KCNIP4: variants seen among roughly 807,000 people sequenced by gnomAD.
KCNIP4 encodes potassium voltage-gated channel interacting protein 4, also known as Kv channel-interacting protein 4.
A neutral mutation model predicts 34.0 loss-of-function variants in KCNIP4; 12 were observed. The observed-to-expected ratio is 0.35, with a 90% CI of 0.23 to 0.57. KCNIP4 has a LOEUF of 0.57. Ranked by LOEUF, KCNIP4 falls within the 20% of genes least tolerant of loss-of-function variation. KCNIP4 has a pLI of 0.83. For missense variants in KCNIP4, 238 were observed against 311.7 expected (o/e 0.76, Z 1.78); for synonymous variants, 124 against 102.2 (o/e 1.21, Z -1.29).
intron 1 of KCNIP4, among the ~76,000 whole-genome samples, chr4:21,562,552 C>T (rs553182898): frequency 1.8e-4 from 28 of 152,102 alleles, no homozygotes; most frequent in Admixed American, 3.9e-4. Flanking sequence ...TTGGGAATTT[C>T]GTGGTAACTT....
rs566059965 is a variant in KCNIP4 at position 21,574,328 on chromosome 4, TTTTCAG to T, written c.61+374237_61+374242del. ...TCTCCAGGTGAAACTGGCGTTTTTC[TTTTCAG>T]TTTGTTTTTAATTTCCAGCTTTCTT... is the stretch of plus-strand genomic sequence containing the variant. On this transcript the variant is annotated intron_variant, in intron 1 of 8. Coordinates refer to ENST00000382152, the MANE Select transcript of KCNIP4 (RefSeq NM_025221.6). 1.9e-4 allele frequency among the ~76,000 whole-genome samples: 29 copies of T among 152,240 alleles called. 1 individual carries two copies. The South Asian group carries it at 6.0e-3, about 32-fold the overall frequency.
intron 3 of KCNIP4, among the ~76,000 whole-genome samples, chr4:20,825,084 T>C (rs769946880): frequency 6.6e-6 from 1 of 152,164 alleles, no homozygotes; most frequent in Non-Finnish European, 1.5e-5. Flanking sequence ...TCTCATCGTA[T>C]TTCCCAAAGG....
chr4:21,392,218 G>T (rs1284756630), intron 1 of KCNIP4, among the ~76,000 whole-genome samples: 1 of 152,166 alleles, frequency 6.6e-6, no homozygotes, highest in Non-Finnish European at 1.5e-5. Flanking sequence ...ACAAAACAAT[G>T]CAACCCAAAT....
chr4:21,482,717 C>T (rs545899912), intron 1 of KCNIP4, among the ~76,000 whole-genome samples: 158 of 152,124 alleles, frequency 1.0e-3, no homozygotes, highest in Non-Finnish European at 1.7e-3. Context: ...GTGGGTAACC[C>T]GACCTTTCTC....
intron 1 of KCNIP4, among the ~76,000 whole-genome samples, chr4:21,781,700 A>C (rs530605083): frequency 6.6e-6 from 1 of 152,138 alleles, no homozygotes; most frequent in African/African-American, 2.4e-5. Context: ...CCTCCTCTTG[A>C]ATTTTTAATT....
At chr4:21,654,908 A>G (rs1747801749) in intron 1 of KCNIP4, among the ~76,000 whole-genome samples, 1 of 151,948 alleles carries the variant, frequency 6.6e-6, no homozygotes. Flanking sequence ...TGGGTGACAG[A>G]GCGAGACTCT....
chr4:21,582,973 A>C (rs908780287), intron 1 of KCNIP4, among the ~76,000 whole-genome samples: 3 of 151,938 alleles, frequency 2.0e-5, no homozygotes, highest in East Asian at 1.9e-4. Flanking sequence ...CCTTTCTCAC[A>C]CTAGCAATGC....
intron 1 of KCNIP4, among the ~76,000 whole-genome samples, chr4:21,889,308 C>T (rs1726956415): frequency 6.6e-6 from 1 of 151,930 alleles, no homozygotes; most frequent in Admixed American, 6.6e-5. Context: ...AAATAAATCT[C>T]ATGTTTAGAT....
At chr4:21,106,161 A>G (rs956633848) in intron 1 of KCNIP4, among the ~76,000 whole-genome samples, 3 of 151,602 alleles carry the variant, frequency 2.0e-5, no homozygotes, top group Non-Finnish European at 4.4e-5. Context: ...GAATAGTTTC[A>G]GAAGGAATGG....
chr4:20,793,183 G>A (rs1713000909), intron 3 of KCNIP4, among the ~76,000 whole-genome samples: 1 of 152,054 alleles, frequency 6.6e-6, no homozygotes. Flanking sequence ...TCCATTTACA[G>A]GTGAATGGAT....
At chr4:21,686,355 T>C (rs1176309083) in intron 1 of KCNIP4, among the ~76,000 whole-genome samples, 3 of 152,154 alleles carry the variant, frequency 2.0e-5, no homozygotes, top group Non-Finnish European at 4.4e-5. Context: ...TCTAAAATGA[T>C]AGTACAGCCA....
chr4:21,058,392 G>C (rs1041503306), intron 1 of KCNIP4, among the ~76,000 whole-genome samples: 1 of 152,020 alleles, frequency 6.6e-6, no homozygotes, highest in Admixed American at 6.6e-5. Flanking sequence ...AGGAATTAAA[G>C]GGGCAGCTCT....
intron 1 of KCNIP4, among the ~76,000 whole-genome samples, chr4:21,647,404 G>A (rs1019609157): frequency 5.3e-5 from 8 of 151,914 alleles, no homozygotes; most frequent in Non-Finnish European, 7.4e-5. Context: ...ATTAATATGA[G>A]ATCAATAAAA....
In KCNIP4 at chr4:21,281,024, C is replaced by T. The variant is rs114035169; in HGVS notation, c.62-398315G>A. Among the ~76,000 whole-genome samples, 819 of 151,912 alleles carry T rather than the reference C, an allele frequency of 5.4e-3. 7 individuals carry two copies. The highest frequency in any genetic ancestry group is 0.019 in the African/African-American group (780 of 41,430). Reference sequence around the variant, plus strand: ...ATCACGTCCTCAATTCTATAAGATACGCTTTATCCTCTCTATAATAGTTTA... The same window carrying T: ...ATCACGTCCTCAATTCTATAAGATATGCTTTATCCTCTCTATAATAGTTTA... On this transcript the variant is annotated intron_variant, in intron 1 of 8. Transcript: ENST00000382152.
intron 1 of KCNIP4, among the ~76,000 whole-genome samples, chr4:20,994,553 T>C (rs1737371015): frequency 6.6e-6 from 1 of 152,172 alleles, no homozygotes; most frequent in Non-Finnish European, 1.5e-5. Context: ...TATAAACTAA[T>C]GATCAGACCG....
chr4:20,730,822 G>A (rs957615537), intron 8 of KCNIP4, among the ~76,000 whole-genome samples: 1 of 152,122 alleles, frequency 6.6e-6, no homozygotes, highest in African/African-American at 2.4e-5. Context: ...AGTTGCATGT[G>A]AATAGCACTT....
intron 1 of KCNIP4, among the ~76,000 whole-genome samples, chr4:20,925,005 A>G (rs1729755491): frequency 6.6e-6 from 1 of 151,838 alleles, no homozygotes; most frequent in Non-Finnish European, 1.5e-5. Context: ...AGCACTTTTG[A>G]AATGTTAAAA....
rs182999720 is a variant in KCNIP4 at position 21,879,314 on chromosome 4, C to T, written c.61+69257G>A. 3.9e-5 allele frequency among the ~76,000 whole-genome samples: 6 copies of T among 152,316 alleles called. No homozygotes were observed. In the East Asian group the frequency reaches 1.2e-3, roughly 29 times the overall value. On this transcript the variant is annotated intron_variant, in intron 1 of 8. Coordinates refer to ENST00000382152, the MANE Select transcript of KCNIP4 (RefSeq NM_025221.6). Reference sequence around the variant, plus strand: ...TCAGAGGTATCATATTGAAACCAAGCAAACCCCATGAACTGGAAATGTTTT... The same window carrying T: ...TCAGAGGTATCATATTGAAACCAAGTAAACCCCATGAACTGGAAATGTTTT...
intron 1 of KCNIP4, among the ~76,000 whole-genome samples, chr4:21,075,907 T>G (rs1452249666): frequency 6.6e-6 from 1 of 152,164 alleles, no homozygotes; most frequent in Non-Finnish European, 1.5e-5. Context: ...AAGCTTAGTT[T>G]GGCTGGATAT....
Sources: allele counts gnomAD v4.1 joint callset (sites outside exome capture counted in the v4.1 genomes callset), GRCh38; gene constraint gnomAD v4.1.1; transcripts MANE v1.5; gene names NCBI Gene and HGNC (gene_info 2026-07-23, HGNC 2026-07-21).